The following MAP2K5 variants were observed in gnomAD, a reference collection of about 807,000 sequenced individuals.
MAP2K5 encodes the protein dual specificity mitogen-activated protein kinase kinase 5.
A neutral mutation model predicts 83.1 loss-of-function variants in MAP2K5; 49 were observed. That is an observed-to-expected ratio of 0.59 (90% CI 0.47 to 0.75). The LOEUF (loss-of-function observed/expected upper bound fraction) is 0.75, where lower values mean the gene tolerates loss of function less well. Among genes scored for constraint, MAP2K5 ranks in the 30% least tolerant of loss-of-function variants. The pLI, the probability that MAP2K5 is intolerant of heterozygous loss-of-function variation, is 0.00. For synonymous variants in MAP2K5, 202 were observed against 191.8 expected (o/e 1.05, Z -0.44); for missense variants, 457 against 557.5 (o/e 0.82, Z 1.82).
At chr15:67,590,050 G>A (rs1018042562) in intron 6 of MAP2K5, among the ~76,000 whole-genome samples, 33 of 152,038 alleles carry the variant, frequency 2.2e-4, no homozygotes, top group African/African-American at 7.7e-4. Flanking sequence ...TTCCATATAT[G>A]TTTCAGCTTT....
chr15:67,741,248 G>A (rs1019592137), intron 17 of MAP2K5, among the ~76,000 whole-genome samples: 3 of 152,114 alleles, frequency 2.0e-5, no homozygotes, highest in African/African-American at 7.2e-5. Flanking sequence ...GGTTCTTCAG[G>A]CAGCTTTCAT....
intron 13 of MAP2K5, among the ~76,000 whole-genome samples, chr15:67,679,435 G>A (rs1326783674): frequency 3.3e-5 from 5 of 151,972 alleles, no homozygotes; most frequent in Admixed American, 1.3e-4. Flanking sequence ...AGCTACTTGC[G>A]GTTATTGAGG....
rs1236584283 is a variant in MAP2K5, at chr15:67,565,489, A to C, written c.252+2139A>C. 6.6e-6 allele frequency among the ~76,000 whole-genome samples: 1 copy of C among 152,154 alleles called. No individual in the cohort carries two copies. The highest frequency in any genetic ancestry group is 1.5e-5 in the Non-Finnish European group (1 of 68,022). ...GTGATCCACCCGCCTCGGCCTCCCA[A>C]AGTGCTGGGATTACAGGCATGAGCC... On this transcript the variant is annotated intron_variant, in intron 3 of 21. Coordinates refer to ENST00000178640, the MANE Select transcript of MAP2K5 (RefSeq NM_145160.3). The surrounding 1 kb of genome is among the most constrained non-coding windows in gnomAD (Gnocchi z 4.1).
rs1437511054 is a variant in MAP2K5 at position 67,783,990 on chromosome 15, T to C, written c.1242+11238T>C. ...AAGAGATTGAAGTAACAATTGCACC[T>C]AACTTGGGGCTGAAGATGAATCCAG... is the stretch of plus-strand genomic sequence containing the variant. On this transcript the variant is annotated intron_variant, in intron 21 of 21. Transcript: ENST00000178640. This position sits in a 1 kb window ranked among gnomAD's most constrained non-coding sequence, Gnocchi z 5.1. Among the ~76,000 whole-genome samples the C allele has an allele frequency of 6.6e-6, 1 of 152,264 alleles. No homozygotes were observed. The highest frequency in any genetic ancestry group is 1.5e-5 in the Non-Finnish European group (1 of 68,042).
chr15:67,600,668 C>A lies in MAP2K5; in HGVS notation c.481-17C>A. 1 of 1,592,300 alleles carries A rather than the reference C, an allele frequency of 6.3e-7. No homozygotes were observed. The highest frequency in any genetic ancestry group is 8.6e-7 in the Non-Finnish European group (1 of 1,169,318). On this transcript the variant is annotated splice_polypyrimidine_tract_variant and intron_variant, in intron 7 of 21. Transcript: ENST00000178640. ...ACAGCATGACACCCTTTTTGTTTTT[C>A]TTTCTTTCTTGTGGAGATGAATGAA...
At chr15:67,664,757 G>A in intron 13 of MAP2K5, 112 bp downstream of exon 13, 2 of 629,568 alleles carry the variant, frequency 3.2e-6, no homozygotes, top group East Asian at 2.7e-5. Flanking sequence ...GATACATCTG[G>A]TACTCAAAAA....
intron 16 of MAP2K5, among the ~76,000 whole-genome samples, chr15:67,721,621 G>A (rs1002493296): frequency 2.0e-4 from 31 of 152,240 alleles, no homozygotes; most frequent in African/African-American, 7.5e-4. Context: ...AACAAGCTTT[G>A]CCACCAACTT....
intron 3 of MAP2K5, among the ~76,000 whole-genome samples, chr15:67,580,375 G>A (rs2085152882): frequency 6.6e-6 from 1 of 152,148 alleles, no homozygotes. Context: ...GTAGGTCCAA[G>A]CCCAATGTGA....
chr15:67,703,962 T>C (rs2088487154), intron 16 of MAP2K5, among the ~76,000 whole-genome samples: 1 of 152,114 alleles, frequency 6.6e-6, no homozygotes, highest in African/African-American at 2.4e-5. Flanking sequence ...TGGTGTGATA[T>C]GATGGAGAGG....
At chr15:67,548,380 A>G (rs1238912798) in intron 1 of MAP2K5, among the ~76,000 whole-genome samples, 1 of 152,216 alleles carries the variant, frequency 6.6e-6, no homozygotes, top group Admixed American at 6.5e-5. Context: ...ACCATCCTCC[A>G]CTGATTGTAG....
chr15:67,769,719 C>G lies in MAP2K5; in HGVS notation c.1196+56C>G, dbSNP rs968383242. The stretch of plus-strand genomic sequence containing the variant: ...CAATGTAAATGATACATGCCATTAA[C>G]TCGGCAGCTCCGTGAGACCTTATGG... On this transcript the variant is annotated intron_variant, in intron 20 of 21. Transcript: ENST00000178640. The surrounding 1 kb of genome is among the most constrained non-coding windows in gnomAD (Gnocchi z 5.2). 2.6e-6 allele frequency: 4 copies of G among 1,561,358 alleles called. No individual in the cohort carries two copies. In the African/African-American group the frequency reaches 4.1e-5, roughly 16 times the overall value.
At chr15:67,623,267 A>C (rs1377153651) in intron 8 of MAP2K5, among the ~76,000 whole-genome samples, 1 of 152,166 alleles carries the variant, frequency 6.6e-6, no homozygotes, top group African/African-American at 2.4e-5. Flanking sequence ...TACCACACCT[A>C]TCTGTAGTGT....
intron 19 of MAP2K5, among the ~76,000 whole-genome samples, chr15:67,759,679 G>A (rs1257865790): frequency 6.6e-6 from 1 of 152,164 alleles, no homozygotes; most frequent in African/African-American, 2.4e-5. Context: ...TTAGCAAGAA[G>A]TAAAAGGAAC....
chr15:67,608,010 T>C (rs1236904787), intron 8 of MAP2K5, among the ~76,000 whole-genome samples: 1 of 152,118 alleles, frequency 6.6e-6, no homozygotes, highest in Non-Finnish European at 1.5e-5. Context: ...GAGAAAAAAA[T>C]AGTTTTGAAG....
In MAP2K5 at chr15:67,543,774, G is replaced by A. The variant is rs577233841; in HGVS notation, c.135+304G>A. Among the ~76,000 whole-genome samples, 18 of 152,158 alleles carry A rather than the reference G, an allele frequency of 1.2e-4. No individual in the cohort carries two copies. Among genetic ancestry groups the A allele is most frequent in the Non-Finnish European group, 2.6e-4 (18 of 68,026 alleles). ...TGCAAACTGCTGAATCTAGAAGAGAGGTTTTTTCCCCCCAAGTGTTTCGGG... is the reference window on the plus strand; with the variant it reads ...TGCAAACTGCTGAATCTAGAAGAGAAGTTTTTTCCCCCCAAGTGTTTCGGG... On this transcript the variant is annotated intron_variant, in intron 1 of 21. Transcript: ENST00000178640. This position sits in a 1 kb window ranked among gnomAD's most constrained non-coding sequence, Gnocchi z 4.3.
intron 21 of MAP2K5, among the ~76,000 whole-genome samples, chr15:67,776,208 A>T (rs148931995): frequency 1.6e-5 from 1 of 63,078 alleles, no homozygotes; most frequent in African/African-American, 6.0e-5. Context: ...CCCCACCCCC[A>T]CCCCCACCTC....
At chr15:67,695,030 A>G (rs553754595) in intron 15 of MAP2K5, among the ~76,000 whole-genome samples, 7 of 150,218 alleles carry the variant, frequency 4.7e-5, no homozygotes, top group African/African-American at 1.7e-4. Flanking sequence ...AACACCACAT[A>G]TTCTCACTCA....
intron 9 of MAP2K5, 81 bp downstream of exon 9, chr15:67,631,008 C>A: frequency 1.8e-6 from 2 of 1,139,306 alleles, no homozygotes; most frequent in South Asian, 1.4e-5. Flanking sequence ...CAGATATTGT[C>A]AAAGAGGAGA....
chr15:67,684,146 T>C (rs1050467443), intron 13 of MAP2K5, among the ~76,000 whole-genome samples: 5 of 152,200 alleles, frequency 3.3e-5, no homozygotes, highest in Non-Finnish European at 7.3e-5. Flanking sequence ...TGGCCTAACA[T>C]CAGCCTCTGC....
Sources: gnomAD v4.1 joint callset for allele counts (sites outside exome capture counted in the v4.1 genomes callset) on GRCh38, gnomAD v4.1.1 for gene constraint, Gnocchi (gnomAD v3.1) non-coding constraint, MANE v1.5 for transcripts, NCBI Gene and HGNC (gene_info 2026-07-23, HGNC 2026-07-21) for gene names.